Variants in OSMR observed in about 807,000 individuals in gnomAD.
The protein encoded by OSMR is oncostatin-M-specific receptor subunit beta.
A neutral mutation model predicts 99.9 loss-of-function variants in OSMR; 81 were observed. The observed-to-expected ratio is 0.81, with a 90% CI of 0.68 to 0.97. The LOEUF is 0.97. OSMR is among the 50% of genes least tolerant of loss of function. The probability of loss-of-function intolerance (pLI) is 0.00; values close to 1 mark genes in which losing one functional copy is unlikely to be tolerated. For synonymous variants in OSMR, 406 were observed against 410.4 expected, an observed-to-expected ratio of 0.99 and a Z score of 0.13; for missense variants, 1,099 against 1,153.4, an observed-to-expected ratio of 0.95 and a Z score of 0.68.
Position 38,917,149 on chromosome 5 carries a change from C to T in OSMR, c.1286-397C>T, listed in dbSNP as rs995623402. On this transcript the variant is annotated intron_variant, in intron 9 of 17. Transcript: ENST00000274276. ...AACGCATCCTGCCCCTAGCGGGTTC[C>T]CCATCACTGTGTCTCTATCCATGAC... 2.6e-5 allele frequency among the ~76,000 whole-genome samples: 4 copies of T among 152,268 alleles called. No homozygotes were observed. In the South Asian group the frequency reaches 8.3e-4, roughly 32 times the overall value.
chr5:38,851,456 T>G (rs1740350634), intron 1 of OSMR, among the ~76,000 whole-genome samples: 5 of 152,048 alleles, frequency 3.3e-5, no homozygotes, highest in Admixed American at 3.3e-4. Context: ...CACAGAGCCT[T>G]CAGACCCAGT....
chr5:38,940,153 A>AC (rs1412627977), downstream of OSMR: 234 of 228,964 alleles, frequency 1.0e-3, 1 homozygote, highest in African/African-American at 5.1e-3. Flanking sequence ...CAAAAAAAAA[A>AC]ACACAAAACA....
chr5:38,891,429 G>C (rs1744150812), intron 7 of OSMR, among the ~76,000 whole-genome samples: 1 of 152,230 alleles, frequency 6.6e-6, no homozygotes, highest in African/African-American at 2.4e-5. Flanking sequence ...AGCTCTTTAA[G>C]TGGATTGTCT....
At chr5:38,902,416 AC>A (rs1744953790) in intron 7 of OSMR, among the ~76,000 whole-genome samples, 1 of 152,204 alleles carries the variant, frequency 6.6e-6, no homozygotes, top group African/African-American at 2.4e-5. Context: ...CCTGCCCACA[AC>A]CAGATAAGCA....
rs781349866 is a variant in OSMR at position 38,884,056 on chromosome 5, G to A, written c.648G>A (p.Glu216=). The change falls in exon 5 of 18, where the codon GAG becomes GAA. Residue 216 remains glutamate, a synonymous_variant. Transcript: ENST00000274276. ...ATAAAGGGACAAATATCTATTGTGA[G>A]GCAAGTCAAGGAAATGTCAGTGAAG... ...IRNKGTNIYC[E]ASQGNVSEGM... is the part of the protein sequence containing the mutation. 2.5e-6 allele frequency: 4 copies of A among 1,614,076 alleles called. No homozygotes were observed. In the Admixed American group the frequency reaches 6.7e-5, roughly 27 times the overall value.
At chr5:38,862,972 G>A (rs1451457311) in intron 1 of OSMR, among the ~76,000 whole-genome samples, 6 of 152,038 alleles carry the variant, frequency 3.9e-5, no homozygotes, top group Non-Finnish European at 8.8e-5. Context: ...GACCAGCCCG[G>A]CCAACACAGC....
chr5:38,908,075 A>G (rs1294363745), intron 9 of OSMR, among the ~76,000 whole-genome samples: 1 of 151,946 alleles, frequency 6.6e-6, no homozygotes, highest in Admixed American at 6.6e-5. Context: ...AAATGCATGC[A>G]CAGACACCAG....
intron 4 of OSMR, among the ~76,000 whole-genome samples, chr5:38,882,584 C>T (rs1427473678): frequency 6.6e-6 from 1 of 151,452 alleles, no homozygotes; most frequent in Admixed American, 6.6e-5. Flanking sequence ...CTCACACACA[C>T]ACCAAAAAAA....
At chr5:38,941,703 T>A (rs1747590779) in intron 1 of OSMR, 2 of 232,190 alleles carry the variant, frequency 8.6e-6, no homozygotes, top group African/African-American at 4.4e-5. Context: ...AAATAACTTA[T>A]AAGTCCCGGG....
intron 1 of OSMR, among the ~76,000 whole-genome samples, chr5:38,858,162 ATGT>A (rs1741003534): frequency 6.6e-6 from 1 of 152,152 alleles, no homozygotes; most frequent in African/African-American, 2.4e-5. Context: ...AATACACAAT[ATGT>A]TGTTGTTAGC....
Position 38,933,185 on chromosome 5 carries a change from T to A in OSMR, c.2681T>A (p.Leu894Gln). 1 of 1,614,106 alleles carries A rather than the reference T, an allele frequency of 6.2e-7. No individual in the cohort carries two copies. Among genetic ancestry groups the A allele is most frequent in the East Asian group, 2.2e-5 (1 of 44,874 alleles). Reference sequence around the variant, plus strand: ...CTAATGACCTCACCTGAAAATGTACTAAAGGCACTAGAAAAAAACTACATG... The same window carrying A: ...CTAATGACCTCACCTGAAAATGTACAAAAGGCACTAGAAAAAAACTACATG... ...LGLMTSPENV[L>Q]KALEKNYMNS... The change falls in exon 18 of 18, where the codon CTA becomes CAA. Residue 894 changes from leucine to glutamine, a missense_variant. Physicochemically the swap from Leu to Gln is moderately radical, Grantham distance 113 (BLOSUM62 -2). Coordinates refer to ENST00000274276, the MANE Select transcript of OSMR (RefSeq NM_003999.3).
At chr5:38,854,609 A>G (rs1224643783) in intron 1 of OSMR, among the ~76,000 whole-genome samples, 1 of 152,238 alleles carries the variant, frequency 6.6e-6, no homozygotes, top group Non-Finnish European at 1.5e-5. Flanking sequence ...AGGCCTGAAC[A>G]GATATCTATT....
At chr5:38,861,929 C>A (rs1741395311) in intron 1 of OSMR, among the ~76,000 whole-genome samples, 1 of 128,512 alleles carries the variant, frequency 7.8e-6, no homozygotes, top group Non-Finnish European at 1.7e-5. Flanking sequence ...GGGGCTGACC[C>A]CCCCACCTCC....
intron 6 of OSMR, 89 bp from the exon 7 acceptor site, chr5:38,885,950 T>C: frequency 6.5e-7 from 1 of 1,548,344 alleles, no homozygotes; most frequent in Non-Finnish European, 8.7e-7. Flanking sequence ...TGACAGTCAC[T>C]GAGTATGCCC....
At chr5:38,883,802 A>T in intron 4 of OSMR, 25 bp from the exon 5 acceptor site, 1 of 1,612,102 alleles carries the variant, frequency 6.2e-7, no homozygotes, top group South Asian at 1.1e-5. Flanking sequence ...TGCGATTCTA[A>T]CTTGGCTATT....
Position 38,854,042 on chromosome 5 carries a change from TA to T in OSMR, c.-14+7669del, listed in dbSNP as rs542459630. Reference sequence around the variant, plus strand: ...TCAAATATATAACTGGCAGTACTCTTAAAAAAAAAAAAAAGATAACCGAGCC... The same window carrying T: ...TCAAATATATAACTGGCAGTACTCTTAAAAAAAAAAAAAGATAACCGAGCC... On this transcript the variant is annotated intron_variant, in intron 1 of 17. Coordinates refer to ENST00000274276, the MANE Select transcript of OSMR (RefSeq NM_003999.3). Among the ~76,000 whole-genome samples, 464 of 139,194 alleles carry T rather than the reference TA, an allele frequency of 3.3e-3. 2 individuals carry two copies. Among genetic ancestry groups the T allele is most frequent in the Middle Eastern group, 7.3e-3 (2 of 274 alleles). 91.3% of individuals were successfully genotyped at this position (139,194 alleles called of 152,430 possible). A position where few individuals can be genotyped will look rare whatever the true frequency, so the allele number is the denominator to read the frequency against.
At chr5:38,864,320 C>A (rs1741755985) in intron 1 of OSMR, among the ~76,000 whole-genome samples, 1 of 151,868 alleles carries the variant, frequency 6.6e-6, no homozygotes, top group South Asian at 2.1e-4. Flanking sequence ...ATAGCTCTTT[C>A]TCATTTGTGT....
intron 5 of OSMR, 163 bp from the exon 6 acceptor site, chr5:38,885,186 T>G (rs1743615053): frequency 2.0e-6 from 2 of 985,292 alleles, no homozygotes; most frequent in Non-Finnish European, 2.4e-6. Context: ...AGGTGACCCC[T>G]GAAAAGTGAC....
At chr5:38,853,248 T>C (rs1351915637) in intron 1 of OSMR, among the ~76,000 whole-genome samples, 5 of 152,228 alleles carry the variant, frequency 3.3e-5, no homozygotes, top group African/African-American at 1.2e-4. Flanking sequence ...GGAATTTATT[T>C]TGCTGAAGGA....
Sources: allele counts gnomAD v4.1 joint callset (sites outside exome capture counted in the v4.1 genomes callset), GRCh38; gene constraint gnomAD v4.1.1; transcripts MANE v1.5; gene names NCBI Gene and HGNC (gene_info 2026-07-23, HGNC 2026-07-21).